The following COL5A1 variants were observed in gnomAD, a reference collection of about 807,000 sequenced individuals.
COL5A1 encodes collagen type V alpha 1 chain, also known as collagen alpha-1(V) chain.
A neutral mutation model predicts 263.7 loss-of-function variants in COL5A1; 16 were observed. The ratio of observed to expected loss-of-function variants is 0.06; its 90% CI spans 0.04 to 0.09. The LOEUF (loss-of-function observed/expected upper bound fraction) is 0.09. COL5A1 is among the 10% of genes least tolerant of loss of function. The pLI, the probability that COL5A1 is intolerant of heterozygous loss-of-function variation, is 1.00. For synonymous variants in COL5A1, 1,012 were observed against 1,004.5 expected, an observed-to-expected ratio of 1.01 and a Z score of -0.14; for missense variants, 2,036 against 2,540.5, an observed-to-expected ratio of 0.80 and a Z score of 4.27.
At chr9:134,807,559 C>G (rs1186209755) in intron 42 of COL5A1, among the ~76,000 whole-genome samples, 1 of 152,210 alleles carries the variant, frequency 6.6e-6, no homozygotes. Context: ...TCCCAAGGTG[C>G]TGGGATTACA....
chr9:134,692,810 A>G (rs1019995187), intron 2 of COL5A1, among the ~76,000 whole-genome samples: 2 of 152,116 alleles, frequency 1.3e-5, no homozygotes, highest in African/African-American at 4.8e-5. Flanking sequence ...GCGGTGGCTC[A>G]CCCTGTAATC....
intron 4 of COL5A1, chr9:134,709,036 T>G (rs575225118): frequency 1.6e-5 from 7 of 434,284 alleles, no homozygotes; most frequent in South Asian, 1.1e-4. Flanking sequence ...CATCCTAATC[T>G]AGGATGTTCC....
At chr9:134,762,834 C>A (rs769710852) in intron 19 of COL5A1, among the ~76,000 whole-genome samples, 1 of 151,870 alleles carries the variant, frequency 6.6e-6, no homozygotes, top group Non-Finnish European at 1.5e-5. Context: ...AGAGAGGGAC[C>A]CTTCTAGATG....
rs566726922 is a variant in COL5A1 at position 134,716,189 on chromosome 9, T to C, written c.655-11077T>C. Among the ~76,000 whole-genome samples the C allele has an allele frequency of 2.2e-4, 34 of 152,310 alleles. 1 individual carries two copies. In the South Asian group the frequency reaches 2.7e-3, roughly 12 times the overall value. ...TGCAATCCCATTTAGTCCTCTGCTC[T>C]ATGAGGTAGATCTTATTATCCTCTT... On this transcript the variant is annotated intron_variant, in intron 4 of 65. Coordinates refer to ENST00000371817, the MANE Select transcript of COL5A1 (RefSeq NM_000093.5). The surrounding 1 kb of genome is among the most constrained non-coding windows in gnomAD (Gnocchi z 4.5).
Position 134,780,118 on chromosome 9 carries a change from G to A in COL5A1, c.2402G>A (p.Arg801His), listed in dbSNP as rs1448698493. ...PRGVKGADGIRGLKGTKGEKG... is the reference protein window; with the variant it reads ...PRGVKGADGIHGLKGTKGEKG... The stretch of plus-strand genomic sequence containing the variant: ...CCCGCACAGGGGGCCGATGGCATCC[G>A]TGGTCTGAAGGGCACAAAGGGCGAG... Residue 801 changes from arginine (R) to histidine (H), a missense_variant, in exon 28 of 66, where the codon CGT becomes CAT. Arg to His is a conservative substitution (Grantham distance 29). Coordinates refer to ENST00000371817, the MANE Select transcript of COL5A1 (RefSeq NM_000093.5). 2.5e-6 allele frequency: 4 copies of A among 1,613,306 alleles called. No individual in the cohort carries two copies. The highest frequency in any genetic ancestry group is 3.3e-5 in the Admixed American group (2 of 60,008).
At chr9:134,724,106 C>T (rs1179722622) in intron 4 of COL5A1, among the ~76,000 whole-genome samples, 3 of 152,172 alleles carry the variant, frequency 2.0e-5, no homozygotes, top group Non-Finnish European at 2.9e-5. Context: ...CCCTCTCACA[C>T]CTGCTGTTGG....
chr9:134,818,931 C>A lies in COL5A1; in HGVS notation c.4392+30C>A. On this transcript the variant is annotated intron_variant, in intron 56 of 65. Transcript: ENST00000371817. The surrounding 1 kb of genome is among the most constrained non-coding windows in gnomAD (Gnocchi z 6.0). ...GTCACATTCCTCATGGTGAGCATAG[C>A]GGGTGGGATGACTTCGCCACCCAAA... The A allele has an allele frequency of 1.2e-6, 2 of 1,612,894 alleles. No homozygotes were observed. Among genetic ancestry groups the A allele is most frequent in the Non-Finnish European group, 8.5e-7 (1 of 1,179,580 alleles).
At chr9:134,793,134 C>T (rs908084898) in intron 32 of COL5A1, among the ~76,000 whole-genome samples, 20 of 152,036 alleles carry the variant, frequency 1.3e-4, no homozygotes, top group South Asian at 4.2e-4. Context: ...CTTTGCCCCT[C>T]GGGCCTCGGG....
rs1336573316 is a variant in COL5A1 at position 134,755,090 on chromosome 9, G to T, written c.1827+764G>T. Reference sequence around the variant, plus strand: ...CTCCTGACTTGGGGAGCAAGCTGTGGTTAGTGGGTAGAAATGACCCGATAA... The same window carrying T: ...CTCCTGACTTGGGGAGCAAGCTGTGTTTAGTGGGTAGAAATGACCCGATAA... On this transcript the variant is annotated intron_variant, in intron 16 of 65. Coordinates refer to ENST00000371817, the MANE Select transcript of COL5A1 (RefSeq NM_000093.5). The surrounding 1 kb of genome is among the most constrained non-coding windows in gnomAD (Gnocchi z 4.1). Among the ~76,000 whole-genome samples, 1 of 152,110 alleles carries T rather than the reference G, an allele frequency of 6.6e-6. No individual in the cohort carries two copies. The highest frequency in any genetic ancestry group is 1.5e-5 in the Non-Finnish European group (1 of 68,040).
chr9:134,720,391 G>A (rs1347924845), intron 4 of COL5A1, among the ~76,000 whole-genome samples: 2 of 152,224 alleles, frequency 1.3e-5, no homozygotes, highest in Non-Finnish European at 2.9e-5. Context: ...CAGGAGAGGA[G>A]GCTTCATCGA....
rs1284033624 is a variant in COL5A1, at chr9:134,811,432, C to T, written c.3582+40C>T. On this transcript the variant is annotated intron_variant, in intron 45 of 65. Coordinates refer to ENST00000371817, the MANE Select transcript of COL5A1 (RefSeq NM_000093.5). ...TCAATGACCTTCGAAAAGCCCCACG[C>T]CCCCCCAGAGCTGCTGGCATTGCCA... The T allele has an allele frequency of 4.3e-6, 7 of 1,612,214 alleles. No individual in the cohort carries two copies. The East Asian group carries it at 1.1e-4, about 26-fold the overall frequency.
rs771256167 is a variant in COL5A1 at position 134,728,791 on chromosome 9, C to T, written c.908C>T (p.Thr303Ile). The change falls in exon 6 of 66, where the codon ACC becomes ATC. Residue 303 changes from threonine (T) to isoleucine (I), a missense_variant. Thr to Ile is a moderately conservative substitution (Grantham distance 89). This residue lies in a region of COL5A1 where 600 missense variants were observed against 634.5 expected (regional missense o/e 0.95). Transcript: ENST00000371817. Reference protein sequence around the residue: ...SKKPVEAAKETTEVPEELTPT... With the variant: ...SKKPVEAAKEITEVPEELTPT... ...AAGCCCGTGGAAGCTGCCAAAGAAA[C>T]CACAGAGGTCCCCGAGGTCTGGGCT... 2 of 1,614,184 alleles carry T rather than the reference C, an allele frequency of 1.2e-6. No homozygotes were observed. Among genetic ancestry groups the T allele is most frequent in the Non-Finnish European group, 1.7e-6 (2 of 1,180,028 alleles).
Position 134,652,094 on chromosome 9 carries a change from G to A in COL5A1, c.109+9798G>A, listed in dbSNP as rs1473483043. ...TTGGCTACAGAGTGTTCCCGCGGTC[G>A]AGGTGGGGTGAAGGGCGTTCTCGAG... On this transcript the variant is annotated intron_variant, in intron 1 of 65. Coordinates refer to ENST00000371817, the MANE Select transcript of COL5A1 (RefSeq NM_000093.5). The surrounding 1 kb of genome is among the most constrained non-coding windows in gnomAD (Gnocchi z 4.4). Among the ~76,000 whole-genome samples the A allele has an allele frequency of 1.3e-5, 2 of 152,168 alleles. No individual in the cohort carries two copies. The highest frequency in any genetic ancestry group is 1.9e-4 in the East Asian group (1 of 5,178).
Position 134,691,437 on chromosome 9 carries a change from G to A in COL5A1, c.277+358G>A, listed in dbSNP as rs115090587. On this transcript the variant is annotated intron_variant, in intron 2 of 65. Coordinates refer to ENST00000371817, the MANE Select transcript of COL5A1 (RefSeq NM_000093.5). ...GAGGGATGAGGTTGAGAGAAACCTC[G>A]GGGTCGTGGGAAAGGAAGCACTTCC... Among the ~76,000 whole-genome samples, 700 of 152,258 alleles carry A rather than the reference G, an allele frequency of 4.6e-3. 6 individuals are homozygous for A. The highest frequency in any genetic ancestry group is 0.016 in the African/African-American group (672 of 41,548).
intron 1 of COL5A1, among the ~76,000 whole-genome samples, chr9:134,662,861 T>C (rs1222140139): frequency 2.0e-5 from 3 of 152,228 alleles, no homozygotes; most frequent in Non-Finnish European, 4.4e-5. Flanking sequence ...CCAGAGTTGG[T>C]CACTCTAAAC....
intron 9 of COL5A1, among the ~76,000 whole-genome samples, chr9:134,736,461 A>T (rs1196604073): frequency 6.6e-6 from 1 of 152,208 alleles, no homozygotes; most frequent in Non-Finnish European, 1.5e-5. Flanking sequence ...TCGTAGCTGC[A>T]TTCACCCATC....
At position 134,792,131 on chromosome 9, in the gene COL5A1, G is replaced by A. The variant is rs537471880; in HGVS notation, c.2700+2923G>A. Among the ~76,000 whole-genome samples, 109 of 152,374 alleles carry A rather than the reference G, an allele frequency of 7.2e-4. 1 individual carries two copies. Among genetic ancestry groups the A allele is most frequent in the Non-Finnish European group, 1.5e-3 (100 of 68,032 alleles). On this transcript the variant is annotated intron_variant, in intron 32 of 65. Coordinates refer to ENST00000371817, the MANE Select transcript of COL5A1 (RefSeq NM_000093.5). ...CGGGGGCCGGCACAGGGCCGAGCCCGGCAAGGGAGACGTGGGAGTGGGCTG... is the reference window on the plus strand; with the variant it reads ...CGGGGGCCGGCACAGGGCCGAGCCCAGCAAGGGAGACGTGGGAGTGGGCTG...
At chr9:134,835,948 C>T (rs993731376) in intron 65 of COL5A1, among the ~76,000 whole-genome samples, 9 of 152,316 alleles carry the variant, frequency 5.9e-5, no homozygotes, top group South Asian at 2.1e-4. Flanking sequence ...CCCAGGCCTG[C>T]GGGAGCCTCA....
chr9:134,761,280 T>G (rs1836428413), intron 18 of COL5A1, among the ~76,000 whole-genome samples: 1 of 150,092 alleles, frequency 6.7e-6, no homozygotes, highest in South Asian at 2.1e-4. Context: ...CATACACACA[T>G]GCACTCACAC....
Sources: allele counts gnomAD v4.1 joint callset (sites outside exome capture counted in the v4.1 genomes callset), GRCh38; gene constraint gnomAD v4.1.1; regional missense constraint gnomAD v4.1.1; non-coding constraint Gnocchi (gnomAD v3.1); transcripts MANE v1.5; gene names NCBI Gene and HGNC (gene_info 2026-07-23, HGNC 2026-07-21).